The following FEM1A variants were observed in gnomAD, a reference collection of about 807,000 sequenced individuals.
FEM1A encodes fem-1 homolog A.
In FEM1A, 1 loss-of-function variant was observed where a neutral mutation model predicts 0.7. The ratio of observed to expected loss-of-function variants is 1.35; its 90% confidence interval spans 0.48 to 6.40. FEM1A has a LOEUF of 6.40. Ranked by LOEUF, FEM1A falls within the 30% of genes most tolerant of loss-of-function variation. The probability of loss-of-function intolerance (pLI) is 0.14; values close to 1 mark genes in which losing one functional copy is unlikely to be tolerated. For missense variants in FEM1A, 721 were observed against 918.7 expected (o/e 0.78, Z 2.78); for synonymous variants, 391 against 420.6 (o/e 0.93, Z 0.86).
At position 4,800,091 on chromosome 19, in the gene FEM1A, C is replaced by A. The variant is rs4807643; in HGVS notation, c.*6227C>A. On this transcript the variant is annotated 3_prime_UTR_variant, in exon 1 of 1. Coordinates refer to ENST00000269856, the MANE Select transcript of FEM1A (RefSeq NM_018708.3). ...AGCCAAGTCGTTTGTGGTTAAATGT[C>A]CTGCCTGTTTACACAGCAGCCCTCT... 107,422 of 151,584 alleles carry A rather than the reference C, an allele frequency of 0.71. 38,593 individuals are homozygous for A. The highest frequency in any genetic ancestry group is 0.83 in the African/African-American group (34,181 of 41,402). The allele number at this position is 151,584 out of a possible 1,614,324, so 9.4% of individuals were successfully genotyped here.
Position 4,793,801 on chromosome 19 carries a change from G to A in FEM1A, c.1947G>A (p.Lys649=), listed in dbSNP as rs770323627. ...GCCTTGCGGCCCGGGCCCTGGATAAGAACAAGATCCCTTACAAGGGCTTCA... is the reference window on the plus strand; with the variant it reads ...GCCTTGCGGCCCGGGCCCTGGATAAAAACAAGATCCCTTACAAGGGCTTCA... The part of the protein sequence containing the change: ...LQCLAARALD[K]NKIPYKGFIP... Residue 649 remains lysine, a synonymous_variant, in exon 1 of 1, where the codon AAG becomes AAA. Coordinates refer to ENST00000269856, the MANE Select transcript of FEM1A (RefSeq NM_018708.3). This position sits in a 1 kb window ranked among gnomAD's most constrained non-coding sequence, Gnocchi z 5.1. The A allele has an allele frequency of 1.9e-6, 3 of 1,610,802 alleles. No individual in the cohort carries two copies. Among genetic ancestry groups the A allele is most frequent in the Non-Finnish European group, 1.7e-6 (2 of 1,179,360 alleles).
rs1362829574 is a variant in FEM1A at position 4,792,448 on chromosome 19, C to T, written c.594C>T (p.Ile198=). ...HDCAESGSLE[I]LQLLLGCKAR... ...GCGCCGAGTCCGGCAGCCTGGAGATCCTGCAGCTGCTGCTGGGGTGCAAGG... is the reference window on the plus strand; with the variant it reads ...GCGCCGAGTCCGGCAGCCTGGAGATTCTGCAGCTGCTGCTGGGGTGCAAGG... The change falls in exon 1 of 1, where the codon ATC becomes ATT. Residue 198 remains isoleucine (I), a synonymous_variant. Coordinates refer to ENST00000269856, the MANE Select transcript of FEM1A (RefSeq NM_018708.3). The surrounding 1 kb of genome is among the most constrained non-coding windows in gnomAD (Gnocchi z 6.7). 10 of 1,596,614 alleles carry T rather than the reference C, an allele frequency of 6.3e-6. No homozygotes were observed. In the East Asian group the frequency reaches 2.2e-4, roughly 36 times the overall value.
chr19:4,799,918 A>AAATAAAAAAAT lies in FEM1A; in HGVS notation c.*6056_*6057insTAAAAAAATAA, dbSNP rs1555728950. 21 of 145,110 alleles carry AAATAAAAAAAT rather than the reference A, an allele frequency of 1.4e-4. No homozygotes were observed. The highest frequency in any genetic ancestry group is 5.3e-4 in the African/African-American group (21 of 39,458). The allele number at this position is 145,110 out of a possible 1,614,324, so 9.0% of individuals were successfully genotyped here. A position where few individuals can be genotyped will look rare whatever the true frequency, so the allele number is the denominator to read the frequency against. On this transcript the variant is annotated 3_prime_UTR_variant, in exon 1 of 1. Transcript: ENST00000269856. The stretch of plus-strand genomic sequence containing the variant: ...AGACTCTGTCTCAAAAAAAAAAAAA[A>AAATAAAAAAAT]AAAAAAAAAAAAAAATGGGGCCATC...
rs1358916935 is a variant in FEM1A, at chr19:4,794,124, A to G, written c.*260A>G. The G allele has an allele frequency of 2.1e-6, 1 of 484,304 alleles. No individual in the cohort carries two copies. Among genetic ancestry groups the G allele is most frequent in the Non-Finnish European group, 3.9e-6 (1 of 259,406 alleles). 30.0% of individuals were successfully genotyped at this position (484,304 alleles called of 1,614,324 possible). A position where few individuals can be genotyped will look rare whatever the true frequency, so the allele number is the denominator to read the frequency against. On this transcript the variant is annotated 3_prime_UTR_variant, in exon 1 of 1. Transcript: ENST00000269856. ...CTCATTCTGAGTTAGGAAAAGACAC[A>G]AGACCTTCCCCACATCCTGTCTGCC... is the stretch of plus-strand genomic sequence containing the variant.
rs1482627505 is a variant in FEM1A, at chr19:4,792,184, C to T, written c.330C>T (p.Asn110=). The change falls in exon 1 of 1, where the codon AAC becomes AAT. Residue 110 remains asparagine, a synonymous_variant. Transcript: ENST00000269856. The surrounding 1 kb of genome is among the most constrained non-coding windows in gnomAD (Gnocchi z 6.7). Reference sequence around the variant, plus strand: ...TGCTGCGCCGCGGGGCCTCGGTGAACCGCACCACGCGCACCAACTCCACGC... The same window carrying T: ...TGCTGCGCCGCGGGGCCTCGGTGAATCGCACCACGCGCACCAACTCCACGC... ...RSLLRRGASV[N]RTTRTNSTPL... 2 of 1,504,800 alleles carry T rather than the reference C, an allele frequency of 1.3e-6. No homozygotes were observed. Among genetic ancestry groups the T allele is most frequent in the South Asian group, 2.5e-5 (2 of 81,252 alleles). 93.2% of individuals were successfully genotyped at this position (1,504,800 alleles called of 1,614,324 possible). A position where few individuals can be genotyped will look rare whatever the true frequency, so the allele number is the denominator to read the frequency against.
At position 4,792,042 on chromosome 19, in the gene FEM1A, G is replaced by C. The variant is rs1255359397; in HGVS notation, c.188G>C (p.Arg63Pro). The C allele has an allele frequency of 1.3e-6, 2 of 1,537,334 alleles. No homozygotes were observed. Among genetic ancestry groups the C allele is most frequent in the Non-Finnish European group, 1.7e-6 (2 of 1,149,870 alleles). ...HLDVVEYLVD[R>P]CGASVEAGGS... Reference sequence around the variant, plus strand: ...GACGTGGTGGAGTACCTGGTGGACCGGTGCGGCGCGAGCGTGGAGGCCGGT... The same window carrying C: ...GACGTGGTGGAGTACCTGGTGGACCCGTGCGGCGCGAGCGTGGAGGCCGGT... The change falls in exon 1 of 1, where the codon CGG becomes CCG. Residue 63 changes from arginine to proline, a missense_variant. This residue lies in a region of FEM1A where 195 missense variants were observed against 316.9 expected (regional missense o/e 0.62). Coordinates refer to ENST00000269856, the MANE Select transcript of FEM1A (RefSeq NM_018708.3). This position sits in a 1 kb window ranked among gnomAD's most constrained non-coding sequence, Gnocchi z 6.7.
Position 4,800,019 on chromosome 19 carries a change from T to G in FEM1A, c.*6155T>G, listed in dbSNP as rs1161623182. ...GCCGTTGATCAGTGAAGAAAAAAGC[T>G]CAGAGAGCTCAAGTGGAGTACCTAA... is the stretch of plus-strand genomic sequence containing the variant. On this transcript the variant is annotated 3_prime_UTR_variant, in exon 1 of 1. Transcript: ENST00000269856. 2.0e-5 allele frequency: 3 copies of G among 147,886 alleles called. No individual in the cohort carries two copies. The highest frequency in any genetic ancestry group is 1.4e-4 in the Admixed American group (2 of 14,602). The allele number at this position is 147,886 out of a possible 1,614,324, so 9.2% of individuals were successfully genotyped here.
rs753487250 is a variant in FEM1A, at chr19:4,793,209, A to G, written c.1355A>G (p.Lys452Arg). ...FSYVLQDRAA[K>R]GSLGTQIGFA... ...TACGTGCTTCAGGACCGGGCCGCCAAAGGCAGCCTGGGCACCCAGATCGGC... is the reference window on the plus strand; with the variant it reads ...TACGTGCTTCAGGACCGGGCCGCCAGAGGCAGCCTGGGCACCCAGATCGGC... The change falls in exon 1 of 1, where the codon AAA becomes AGA. Residue 452 changes from lysine (K) to arginine (R), a missense_variant. By Grantham distance (26) the Lys-to-Arg change is conservative. This residue lies in a region of FEM1A where 379 missense variants were observed against 454.8 expected (regional missense o/e 0.83). Coordinates refer to ENST00000269856, the MANE Select transcript of FEM1A (RefSeq NM_018708.3). This position sits in a 1 kb window ranked among gnomAD's most constrained non-coding sequence, Gnocchi z 5.1. 3 of 1,613,410 alleles carry G rather than the reference A, an allele frequency of 1.9e-6. No homozygotes were observed. The South Asian group carries it at 3.3e-5, about 18-fold the overall frequency.
rs1350624911 is a variant in FEM1A at position 4,799,985 on chromosome 19, TG to T, written c.*6122del. ...GCAAAAAATGTTCACAATAGTAAAA[TG>T]ACTACCTGCCGTTGATCAGTGAAGA... On this transcript the variant is annotated 3_prime_UTR_variant, in exon 1 of 1. Coordinates refer to ENST00000269856, the MANE Select transcript of FEM1A (RefSeq NM_018708.3). 1 of 130,566 alleles carries T rather than the reference TG, an allele frequency of 7.7e-6. No homozygotes were observed. Among genetic ancestry groups the T allele is most frequent in the Non-Finnish European group, 1.6e-5 (1 of 62,744 alleles). The allele number at this position is 130,566 out of a possible 1,614,324, so 8.1% of individuals were successfully genotyped here. A position where few individuals can be genotyped will look rare whatever the true frequency, so the allele number is the denominator to read the frequency against.
Position 4,792,578 on chromosome 19 carries a change from G to A in FEM1A, c.724G>A (p.Glu242Lys), listed in dbSNP as rs762547867. ...CCTCATCCAGGAGCAGCCCGGCCAG[G>A]AGCAGGTCGCAGGGGGAGAGGCTCA... The part of the protein sequence containing the change: ...EYLIQEQPGQ[E>K]QVAGGEAQPG... Residue 242 changes from glutamate (E) to lysine (K), a missense_variant, in exon 1 of 1, where the codon GAG becomes AAG. By Grantham distance (56) the Glu-to-Lys change is moderately conservative (BLOSUM62 1). Coordinates refer to ENST00000269856, the MANE Select transcript of FEM1A (RefSeq NM_018708.3). This position sits in a 1 kb window ranked among gnomAD's most constrained non-coding sequence, Gnocchi z 6.7. 7 of 1,608,874 alleles carry A rather than the reference G, an allele frequency of 4.4e-6. No homozygotes were observed. In the Admixed American group the frequency reaches 8.3e-5, roughly 19 times the overall value.
At position 4,793,259 on chromosome 19, in the gene FEM1A, A is replaced by G; in HGVS notation, c.1405A>G (p.Thr469Ala). The G allele has an allele frequency of 6.2e-7, 1 of 1,613,296 alleles. No individual in the cohort carries two copies. The highest frequency in any genetic ancestry group is 1.1e-5 in the South Asian group (1 of 91,078). Reference protein sequence around the residue: ...IGFADLMGVLTKGVREVERAL... With the variant: ...IGFADLMGVLAKGVREVERAL... Reference sequence around the variant, plus strand: ...CTTTGCAGACCTCATGGGGGTTCTCACCAAAGGGGTCCGGGAAGTGGAACG... The same window carrying G: ...CTTTGCAGACCTCATGGGGGTTCTCGCCAAAGGGGTCCGGGAAGTGGAACG... The change falls in exon 1 of 1, where the codon ACC becomes GCC. Residue 469 changes from threonine (T) to alanine (A), a missense_variant. By Grantham distance (58) the Thr-to-Ala change is moderately conservative. Transcript: ENST00000269856. The surrounding 1 kb of genome is among the most constrained non-coding windows in gnomAD (Gnocchi z 5.1).
In FEM1A at chr19:4,796,189, AT is replaced by A. The variant is rs34829296; in HGVS notation, c.*2345del. On this transcript the variant is annotated 3_prime_UTR_variant, in exon 1 of 1. Transcript: ENST00000269856. ...AACATAGTAAGACCTCTGTCTCTAC[AT>A]TTTTTTTTTTTTTTTTTTTGAGATG... The A allele has an allele frequency of 0.18, 24,384 of 133,266 alleles. 2,042 individuals are homozygous for A. The highest frequency in any genetic ancestry group is 0.23 in the Middle Eastern group (59 of 262). 8.3% of individuals were successfully genotyped at this position (133,266 alleles called of 1,614,324 possible). A position where few individuals can be genotyped will look rare whatever the true frequency, so the allele number is the denominator to read the frequency against.
At position 4,796,770 on chromosome 19, in the gene FEM1A, A is replaced by G. The variant is rs4806998; in HGVS notation, c.*2906A>G. 73,774 of 152,238 alleles carry G rather than the reference A, an allele frequency of 0.48. 18,430 individuals carry two copies. The highest frequency in any genetic ancestry group is 0.58 in the East Asian group (2,997 of 5,160). 9.4% of individuals were successfully genotyped at this position (152,238 alleles called of 1,614,324 possible). On this transcript the variant is annotated 3_prime_UTR_variant, in exon 1 of 1. Coordinates refer to ENST00000269856, the MANE Select transcript of FEM1A (RefSeq NM_018708.3). ...GAGAGGCCCTGCTGTGGGGCACCGC[A>G]TGCTGCTTCCATGGTGCATTGGGTT... is the stretch of plus-strand genomic sequence containing the variant.
chr19:4,792,097 C>A lies in FEM1A; in HGVS notation c.243C>A (p.Ile81=). 1 of 1,524,776 alleles carries A rather than the reference C, an allele frequency of 6.6e-7. No individual in the cohort carries two copies. Among genetic ancestry groups the A allele is most frequent in the Non-Finnish European group, 8.8e-7 (1 of 1,142,504 alleles). The allele number at this position is 1,524,776 out of a possible 1,614,324, so 94.5% of individuals were successfully genotyped here. A position where few individuals can be genotyped will look rare whatever the true frequency, so the allele number is the denominator to read the frequency against. Residue 81 remains isoleucine, a synonymous_variant, in exon 1 of 1, where the codon ATC becomes ATA. Transcript: ENST00000269856. The surrounding 1 kb of genome is among the most constrained non-coding windows in gnomAD (Gnocchi z 6.7). ...GGSVHFDGET[I]EGAPPLWAAS... ...CGGTGCACTTCGATGGCGAGACCAT[C>A]GAGGGCGCGCCGCCGCTGTGGGCCG...
At position 4,793,465 on chromosome 19, in the gene FEM1A, C is replaced by T. The variant is rs756579136; in HGVS notation, c.1611C>T (p.Thr537=). The T allele has an allele frequency of 3.1e-6, 5 of 1,612,512 alleles. No individual in the cohort carries two copies. Among genetic ancestry groups the T allele is most frequent in the Admixed American group, 1.7e-5 (1 of 60,016 alleles). The stretch of plus-strand genomic sequence containing the variant: ...CGCCCAGGGGCAAGAACGGCTTCAC[C>T]CCTCTGCACATGGCTGTGGACAAGG... ...KCAPRGKNGF[T]PLHMAVDKDT... The change falls in exon 1 of 1, where the codon ACC becomes ACT. Residue 537 remains threonine, a synonymous_variant. Transcript: ENST00000269856. This position sits in a 1 kb window ranked among gnomAD's most constrained non-coding sequence, Gnocchi z 5.1.
In FEM1A at chr19:4,791,816, C is replaced by T. The variant is rs552302613; in HGVS notation, c.-39C>T. 1.1e-4 allele frequency: 153 copies of T among 1,450,024 alleles called. No individual in the cohort carries two copies. The highest frequency in any genetic ancestry group is 1.3e-4 in the Non-Finnish European group (148 of 1,100,902). 89.8% of individuals were successfully genotyped at this position (1,450,024 alleles called of 1,614,324 possible). ...GGCTCTGATCCTCCGTCTCCCCGTC[C>T]CCCGGCGGCCGGCCCATGGCCTGGC... On this transcript the variant is annotated 5_prime_UTR_variant, in exon 1 of 1. Coordinates refer to ENST00000269856, the MANE Select transcript of FEM1A (RefSeq NM_018708.3).
Position 4,792,397 on chromosome 19 carries a change from C to T in FEM1A, c.543C>T (p.Ala181=). The change falls in exon 1 of 1, where the codon GCC becomes GCT. Residue 181 remains alanine, a synonymous_variant. Transcript: ENST00000269856. This position sits in a 1 kb window ranked among gnomAD's most constrained non-coding sequence, Gnocchi z 6.7. ...GCGCCCAGGTGAACCGGCGCAGCGC[C>T]AAGGGCAACACGGCCCTGCATGACT... The part of the protein sequence containing the change: ...EQGAQVNRRS[A]KGNTALHDCA... 1.3e-6 allele frequency: 2 copies of T among 1,595,486 alleles called. No homozygotes were observed. Among genetic ancestry groups the T allele is most frequent in the Non-Finnish European group, 1.7e-6 (2 of 1,179,336 alleles).
Position 4,793,509 on chromosome 19 carries a change from G to T in FEM1A, c.1655G>T (p.Arg552Leu), listed in dbSNP as rs768289576. The T allele has an allele frequency of 6.2e-7, 1 of 1,613,008 alleles. No homozygotes were observed. The highest frequency in any genetic ancestry group is 2.2e-5 in the East Asian group (1 of 44,890). Residue 552 changes from arginine to leucine, a missense_variant, in exon 1 of 1, where the codon CGC becomes CTC. By Grantham distance (102) the Arg-to-Leu change is moderately radical. This residue lies in a region of FEM1A where 379 missense variants were observed against 454.8 expected (regional missense o/e 0.83). Coordinates refer to ENST00000269856, the MANE Select transcript of FEM1A (RefSeq NM_018708.3). The surrounding 1 kb of genome is among the most constrained non-coding windows in gnomAD (Gnocchi z 5.1). ...AVDKDTTNVG[R>L]YPVGRFPSLH... ...GACAAGGACACCACAAACGTGGGCC[G>T]CTATCCCGTGGGCAGATTCCCCTCC... is the stretch of plus-strand genomic sequence containing the variant.
Position 4,799,412 on chromosome 19 carries a change from TCAAAA to T in FEM1A, c.*5563_*5567del, listed in dbSNP as rs533535887. On this transcript the variant is annotated 3_prime_UTR_variant, in exon 1 of 1. Transcript: ENST00000269856. ...CTGGGCAACAGAGCAAGACTCTGTC[TCAAAA>T]CAAAACAAAACAAACAAACAAACAA... 1.6e-4 allele frequency: 24 copies of T among 152,974 alleles called. No individual in the cohort carries two copies. The highest frequency in any genetic ancestry group is 9.7e-4 in the South Asian group (5 of 5,158). 9.5% of individuals were successfully genotyped at this position (152,974 alleles called of 1,614,324 possible).
Sources: allele counts gnomAD v4.1 joint callset, GRCh38; gene constraint gnomAD v4.1.1; regional missense constraint gnomAD v4.1.1; non-coding constraint Gnocchi (gnomAD v3.1); transcripts MANE v1.5; gene names NCBI Gene and HGNC (gene_info 2026-07-23, HGNC 2026-07-21).